The following SYN3 variants were observed in gnomAD, a reference collection of about 807,000 sequenced individuals.
The protein encoded by SYN3 is synapsin-3.
SYN3 carries 35 observed loss-of-function variants against 65.8 expected under a neutral mutation model. The observed-to-expected ratio is 0.53, with a 90% CI of 0.41 to 0.70. The LOEUF (loss-of-function observed/expected upper bound fraction) is 0.70. Among genes scored for constraint, SYN3 ranks in the 30% least tolerant of loss-of-function variants. SYN3 has a pLI of 0.00. For missense variants in SYN3, 680 were observed against 749.0 expected (o/e 0.91, Z 1.08); for synonymous variants, 270 against 292.9 (o/e 0.92, Z 0.80).
intron 6 of SYN3, among the ~76,000 whole-genome samples, chr22:32,782,643 G>A (rs370185079): frequency 4.0e-5 from 6 of 150,196 alleles, no homozygotes; most frequent in East Asian, 4.0e-4. Context: ...TCAGTTTCCC[G>A]AGTAGCTGGG....
intron 3 of SYN3, among the ~76,000 whole-genome samples, chr22:32,979,078 T>A (rs1376721902): frequency 6.6e-6 from 1 of 150,944 alleles, no homozygotes; most frequent in Non-Finnish European, 1.5e-5. Context: ...ATGCCTGTAG[T>A]CCCAGCTACT....
At chr22:32,761,885 C>T (rs1009855727) in intron 6 of SYN3, among the ~76,000 whole-genome samples, 5 of 152,114 alleles carry the variant, frequency 3.3e-5, no homozygotes, top group East Asian at 1.9e-4. Context: ...TAACTGCACC[C>T]GGAGATTGTC....
chr22:32,750,981 T>C (rs1201354532), intron 6 of SYN3, among the ~76,000 whole-genome samples: 3 of 152,210 alleles, frequency 2.0e-5, no homozygotes, highest in South Asian at 4.1e-4. Flanking sequence ...GTCTCTGATA[T>C]GTGAATCTGG....
intron 6 of SYN3, among the ~76,000 whole-genome samples, chr22:32,660,802 G>A (rs960269419): frequency 6.6e-6 from 1 of 152,090 alleles, no homozygotes; most frequent in Non-Finnish European, 1.5e-5. Context: ...AAGGGTCTTG[G>A]CCGAAAAAAA....
At chr22:32,924,820 G>A (rs1275231173) in intron 4 of SYN3, among the ~76,000 whole-genome samples, 1 of 152,160 alleles carries the variant, frequency 6.6e-6, no homozygotes, top group Non-Finnish European at 1.5e-5. Flanking sequence ...GGCTGGGCTT[G>A]GTGGCTTATG....
intron 6 of SYN3, among the ~76,000 whole-genome samples, chr22:32,602,307 C>T (rs1230099283): frequency 6.6e-6 from 1 of 152,214 alleles, no homozygotes; most frequent in Non-Finnish European, 1.5e-5. Context: ...CACGTGCAAT[C>T]TTTGCAAACA....
chr22:32,604,878 T>C (rs5749470), intron 6 of SYN3, among the ~76,000 whole-genome samples: 17,051 of 151,438 alleles, frequency 0.11, 1,197 homozygotes, highest in Admixed American at 0.24. Context: ...TGGTGGCGGG[T>C]GCCTGTAGTC....
At chr22:32,779,005 A>G (rs1050499603) in intron 6 of SYN3, among the ~76,000 whole-genome samples, 1 of 152,232 alleles carries the variant, frequency 6.6e-6, no homozygotes, top group Admixed American at 6.5e-5. Flanking sequence ...CGATGGCTCA[A>G]GACAGACATA....
chr22:32,904,778 G>A (rs1306440401), intron 4 of SYN3, among the ~76,000 whole-genome samples: 2 of 152,168 alleles, frequency 1.3e-5, no homozygotes, highest in African/African-American at 4.8e-5. Flanking sequence ...AAGCTTTCAG[G>A]TGGGGTAAGA....
rs199663400 is a variant in SYN3, at chr22:32,510,982, G to GGT, written c.*2709_*2710insAC. Among the ~76,000 whole-genome samples the GGT allele has an allele frequency of 4.8e-3, 495 of 102,364 alleles. 1 individual carries two copies. Among genetic ancestry groups the GGT allele is most frequent in the African/African-American group, 0.02 (467 of 23,010 alleles). The allele number at this position is 102,364 out of a possible 152,430, so 67.2% of individuals were successfully genotyped here. ...TTTGTCAATTCCAAGTTATTGTCCA[G>GGT]GCGTGTGTGTGTGTGTGTGTGTGTG... On this transcript the variant is annotated 3_prime_UTR_variant, in exon 14 of 14. Transcript: ENST00000358763.
chr22:32,853,748 T>C (rs1332049054), intron 6 of SYN3, among the ~76,000 whole-genome samples: 1 of 152,232 alleles, frequency 6.6e-6, no homozygotes, highest in Non-Finnish European at 1.5e-5. Context: ...CAGTATAACT[T>C]GTTCTAAGCT....
At chr22:32,609,108 A>G (rs1273959131) in intron 6 of SYN3, among the ~76,000 whole-genome samples, 2 of 152,054 alleles carry the variant, frequency 1.3e-5, no homozygotes, top group Non-Finnish European at 2.9e-5. Context: ...GTGGATCACG[A>G]GGTCAGGAGA....
chr22:32,558,971 G>T (rs530334001), intron 7 of SYN3, among the ~76,000 whole-genome samples: 1 of 152,372 alleles, frequency 6.6e-6, no homozygotes, highest in East Asian at 1.9e-4. Context: ...AATGATGACA[G>T]TGATTGTAAT....
intron 6 of SYN3, among the ~76,000 whole-genome samples, chr22:32,632,277 A>G (rs946378594): frequency 6.6e-6 from 1 of 152,186 alleles, no homozygotes; most frequent in Non-Finnish European, 1.5e-5. Context: ...TTGAACTGGC[A>G]ACCTGGACCT....
chr22:32,646,669 C>T (rs1040773597), intron 6 of SYN3, among the ~76,000 whole-genome samples: 2 of 152,138 alleles, frequency 1.3e-5, no homozygotes, highest in African/African-American at 4.8e-5. Context: ...CCAGGCCCTG[C>T]AAACTATGAG....
intron 7 of SYN3, among the ~76,000 whole-genome samples, chr22:32,548,579 A>T (rs1301113956): frequency 6.6e-6 from 1 of 151,802 alleles, no homozygotes; most frequent in African/African-American, 2.4e-5. Flanking sequence ...TCACCATGTT[A>T]GCCAGGATGG....
intron 7 of SYN3, among the ~76,000 whole-genome samples, chr22:32,561,810 C>T (rs1057092346): frequency 1.3e-5 from 2 of 152,200 alleles, no homozygotes; most frequent in South Asian, 4.1e-4. Flanking sequence ...CGTGGGGAAG[C>T]CTGTAGAGGC....
intron 7 of SYN3, among the ~76,000 whole-genome samples, chr22:32,551,928 G>A (rs556829935): frequency 2.4e-4 from 36 of 152,284 alleles, no homozygotes; most frequent in Non-Finnish European, 4.4e-4. Flanking sequence ...ATTATACAGC[G>A]GTGATGCTTC....
rs962346497 is a variant in SYN3 at position 32,508,010 on chromosome 22, T to C, written c.*5682A>G. Among the ~76,000 whole-genome samples the C allele has an allele frequency of 1.3e-5, 2 of 152,012 alleles. No homozygotes were observed. Among genetic ancestry groups the C allele is most frequent in the African/African-American group, 4.8e-5 (2 of 41,380 alleles). ...CCATACCACCCCCCAAAAATTTTCG[T>C]CGCCCCAACACTTCAACACTATTTT... On this transcript the variant is annotated 3_prime_UTR_variant, in exon 14 of 14. Transcript: ENST00000358763.
Sources: gnomAD v4.1 joint callset for allele counts (sites outside exome capture counted in the v4.1 genomes callset) on GRCh38, gnomAD v4.1.1 for gene constraint, MANE v1.5 for transcripts, NCBI Gene and HGNC (gene_info 2026-07-23, HGNC 2026-07-21) for gene names.